The following PID1 variants were observed in gnomAD, a reference collection of about 807,000 sequenced individuals.
PID1 encodes phosphotyrosine interaction domain containing 1.
In PID1, 10 loss-of-function variants were observed where a neutral mutation model predicts 19.1. The ratio of observed to expected loss-of-function variants is 0.52; its 90% CI spans 0.32 to 0.89. The LOEUF (loss-of-function observed/expected upper bound fraction) is 0.89. PID1 is among the 40% of genes least tolerant of loss of function. PID1 has a pLI of 0.03. For synonymous variants in PID1, 130 were observed against 116.0 expected, an observed-to-expected ratio of 1.12 and a Z score of -0.78; for missense variants, 248 against 285.3, an observed-to-expected ratio of 0.87 and a Z score of 0.94.
intron 1 of PID1, among the ~76,000 whole-genome samples, chr2:229,253,103 T>C (rs1690197382): frequency 6.6e-6 from 1 of 152,204 alleles, no homozygotes; most frequent in African/African-American, 2.4e-5. Flanking sequence ...CACATTGTCC[T>C]AGAGTGAACT....
At chr2:229,069,176 TGTGA>T (rs199900445) in intron 2 of PID1, among the ~76,000 whole-genome samples, 17,633 of 150,650 alleles carry the variant, frequency 0.12, 1,115 homozygotes, top group Middle Eastern at 0.18. Context: ...TGTGTGTGTG[TGTGA>T]GATGAGGGAG....
At chr2:229,091,983 C>A (rs1694885492) in intron 2 of PID1, among the ~76,000 whole-genome samples, 1 of 152,208 alleles carries the variant, frequency 6.6e-6, no homozygotes, top group African/African-American at 2.4e-5. Flanking sequence ...TGTGCCATCA[C>A]ACATTCAGCT....
chr2:229,174,982 A>G (rs936379588), intron 1 of PID1, among the ~76,000 whole-genome samples: 1 of 152,170 alleles, frequency 6.6e-6, no homozygotes, highest in African/African-American at 2.4e-5. Flanking sequence ...TGCTGTGAGG[A>G]AGCTCAAACA....
chr2:229,064,860 G>A (rs866550481), intron 2 of PID1, among the ~76,000 whole-genome samples: 3 of 152,204 alleles, frequency 2.0e-5, no homozygotes, highest in Middle Eastern at 6.8e-3. Flanking sequence ...ATGCCAAAGA[G>A]AGCCCATAAA....
At chr2:229,151,732 G>A (rs550762600) in intron 2 of PID1, among the ~76,000 whole-genome samples, 2 of 151,882 alleles carry the variant, frequency 1.3e-5, no homozygotes, top group South Asian at 2.1e-4. Context: ...CACCACGCCC[G>A]GCTAATTTTT....
chr2:229,209,139 T>A (rs1156500144), intron 1 of PID1, among the ~76,000 whole-genome samples: 1 of 152,220 alleles, frequency 6.6e-6, no homozygotes, highest in Non-Finnish European at 1.5e-5. Context: ...ATGCAAAATG[T>A]CCTGATCTTT....
chr2:229,082,538 G>A (rs529076840), intron 2 of PID1, among the ~76,000 whole-genome samples: 8 of 152,310 alleles, frequency 5.3e-5, no homozygotes, highest in African/African-American at 1.4e-4. Flanking sequence ...TTCTCTTGCT[G>A]TAACAAAGGG....
intron 1 of PID1, among the ~76,000 whole-genome samples, chr2:229,185,047 CTACA>C (rs2106224808): frequency 7.1e-6 from 1 of 141,738 alleles, no homozygotes; most frequent in Admixed American, 7.2e-5. Flanking sequence ...TATATATATG[CTACA>C]TATATATATC....
At chr2:229,262,298 G>C (rs1690479886) in intron 1 of PID1, among the ~76,000 whole-genome samples, 1 of 152,190 alleles carries the variant, frequency 6.6e-6, no homozygotes, top group Non-Finnish European at 1.5e-5. Flanking sequence ...CTTCAGGCCT[G>C]AAGCTCATGT....
At chr2:229,230,398 T>C (rs1323241913) in intron 1 of PID1, among the ~76,000 whole-genome samples, 2 of 152,202 alleles carry the variant, frequency 1.3e-5, no homozygotes, top group African/African-American at 4.8e-5. Flanking sequence ...CTGAGATTCT[T>C]TGGTAAGTTT....
chr2:229,042,154 CAAT>C (rs1379672814), intron 2 of PID1, among the ~76,000 whole-genome samples: 1 of 151,466 alleles, frequency 6.6e-6, no homozygotes. Flanking sequence ...GTTCAAAAGA[CAAT>C]AATTGTGTGT....
At chr2:229,148,750 AAG>A (rs1336613926) in intron 2 of PID1, among the ~76,000 whole-genome samples, 1 of 151,010 alleles carries the variant, frequency 6.6e-6, no homozygotes, top group Non-Finnish European at 1.5e-5. Context: ...GAGGGAGGGA[AAG>A]AGGGAGAGAG....
chr2:229,143,023 AT>A (rs1690049359), intron 2 of PID1, among the ~76,000 whole-genome samples: 1 of 148,512 alleles, frequency 6.7e-6, no homozygotes, highest in East Asian at 2.0e-4. Flanking sequence ...GCCATAAAAA[AT>A]GATGAGTTCA....
intron 2 of PID1, among the ~76,000 whole-genome samples, chr2:229,028,936 C>T (rs1371890045): frequency 2.0e-5 from 3 of 152,142 alleles, no homozygotes; most frequent in Non-Finnish European, 4.4e-5. Flanking sequence ...AAGCGGCTCA[C>T]TCAATTTATA....
chr2:229,047,017 T>C (rs1693896154), intron 2 of PID1, among the ~76,000 whole-genome samples: 1 of 152,146 alleles, frequency 6.6e-6, no homozygotes, highest in Non-Finnish European at 1.5e-5. Flanking sequence ...AATAAAAGAA[T>C]AGGCAGTTAA....
At chr2:229,037,134 G>A (rs2106170659) in intron 2 of PID1, among the ~76,000 whole-genome samples, 1 of 152,170 alleles carries the variant, frequency 6.6e-6, no homozygotes, top group East Asian at 1.9e-4. Context: ...ACTTTCCTAA[G>A]GCTAAAAATA....
chr2:229,097,615 T>G (rs144174152), intron 2 of PID1, among the ~76,000 whole-genome samples: 1 of 152,288 alleles, frequency 6.6e-6, no homozygotes, highest in East Asian at 1.9e-4. Flanking sequence ...AAACAGTATA[T>G]TAAAGACTGA....
chr2:229,145,802 C>T (rs1475855811), intron 2 of PID1, among the ~76,000 whole-genome samples: 1 of 151,998 alleles, frequency 6.6e-6, no homozygotes, highest in Non-Finnish European at 1.5e-5. Flanking sequence ...AGTACAAAAC[C>T]TGTGTAGAAC....
At chr2:229,137,475 T>G (rs1689879877) in intron 2 of PID1, among the ~76,000 whole-genome samples, 1 of 152,206 alleles carries the variant, frequency 6.6e-6, no homozygotes, top group African/African-American at 2.4e-5. Context: ...CGTTTAATAC[T>G]TACTACATTT....
Sources: allele counts gnomAD v4.1 joint callset (sites outside exome capture counted in the v4.1 genomes callset), GRCh38; gene constraint gnomAD v4.1.1; transcripts MANE v1.5; gene names NCBI Gene and HGNC (gene_info 2026-07-23, HGNC 2026-07-21).